ITSN1: variants seen among roughly 807,000 people sequenced by gnomAD.
The protein encoded by ITSN1 is intersectin-1.
ITSN1 carries 58 observed loss-of-function variants against 239.8 expected under a neutral mutation model. That is an observed-to-expected ratio of 0.24 (90% CI 0.20 to 0.30). The LOEUF (loss-of-function observed/expected upper bound fraction) is 0.30, where lower values mean the gene tolerates loss of function less well. ITSN1 is among the 10% of genes least tolerant of loss of function. The pLI is 1.00. For synonymous variants in ITSN1, 780 were observed against 770.8 expected, an observed-to-expected ratio of 1.01 and a Z score of -0.20; for missense variants, 1,558 against 2,103.3, an observed-to-expected ratio of 0.74 and a Z score of 5.07.
chr21:33,879,765 C>T (rs1191796060), intron 34 of ITSN1, among the ~76,000 whole-genome samples: 1 of 152,106 alleles, frequency 6.6e-6, no homozygotes, highest in African/African-American at 2.4e-5. Context: ...CTGCAACCTC[C>T]ACCTCATGGG....
Position 33,836,347 on chromosome 21 carries a change from G to A in ITSN1, c.3470-94G>A. On this transcript the variant is annotated intron_variant, in intron 28 of 39. Coordinates refer to ENST00000381318, the MANE Select transcript of ITSN1 (RefSeq NM_003024.3). ...ACTGTCACCCTCTTCTGAAAGGACA[G>A]AAATAGTAGCTGGGAATGTTGAATG... The A allele has an allele frequency of 3.3e-6, 3 of 904,800 alleles. No homozygotes were observed. The South Asian group carries it at 6.6e-5, about 20-fold the overall frequency. 56.0% of individuals were successfully genotyped at this position (904,800 alleles called of 1,614,324 possible). A position where few individuals can be genotyped will look rare whatever the true frequency, so the allele number is the denominator to read the frequency against.
intron 29 of ITSN1, among the ~76,000 whole-genome samples, chr21:33,847,324 T>C (rs897481441): frequency 6.6e-6 from 1 of 152,080 alleles, no homozygotes; most frequent in Non-Finnish European, 1.5e-5. Flanking sequence ...CCCCCACCAG[T>C]CCCCACCAGC....
chr21:33,666,419 A>C (rs1055030780), intron 1 of ITSN1, among the ~76,000 whole-genome samples: 1 of 152,248 alleles, frequency 6.6e-6, no homozygotes, highest in Non-Finnish European at 1.5e-5. Context: ...CTTTAAAATC[A>C]GTTCAACAGT....
intron 1 of ITSN1, among the ~76,000 whole-genome samples, chr21:33,715,725 A>C (rs369103783): frequency 1.3e-5 from 2 of 152,162 alleles, no homozygotes; most frequent in East Asian, 3.8e-4. Flanking sequence ...CCTTCCCTAA[A>C]GTCTGCAATA....
In ITSN1 at chr21:33,703,159, GAATA is replaced by G. The variant is rs979159032; in HGVS notation, c.-32-15637_-32-15634del. ...TATAAATTGTATATATATAAAGAAA[GAATA>G]TATATATAAAGAATATATATGCGTA... On this transcript the variant is annotated intron_variant, in intron 1 of 39. Coordinates refer to ENST00000381318, the MANE Select transcript of ITSN1 (RefSeq NM_003024.3). Among the ~76,000 whole-genome samples, 6 of 148,836 alleles carry G rather than the reference GAATA, an allele frequency of 4.0e-5. No individual in the cohort carries two copies. The Admixed American group carries it at 4.0e-4, about 10-fold the overall frequency.
chr21:33,675,703 T>G (rs1601576314), intron 1 of ITSN1, among the ~76,000 whole-genome samples: 1 of 152,254 alleles, frequency 6.6e-6, no homozygotes, highest in South Asian at 2.1e-4. Context: ...GTTTAATAAT[T>G]GCCAGCCTGA....
intron 1 of ITSN1, among the ~76,000 whole-genome samples, chr21:33,691,676 A>G (rs2091554467): frequency 6.6e-6 from 1 of 152,218 alleles, no homozygotes; most frequent in African/African-American, 2.4e-5. Flanking sequence ...TTTATTTCTT[A>G]TAGTTCTGGA....
chr21:33,882,560 G>A lies in ITSN1; in HGVS notation c.4554+105G>A. The A allele has an allele frequency of 1.1e-6, 1 of 895,524 alleles. No homozygotes were observed. Among genetic ancestry groups the A allele is most frequent in the South Asian group, 1.7e-5 (1 of 59,306 alleles). 55.5% of individuals were successfully genotyped at this position (895,524 alleles called of 1,614,324 possible). ...TTAGCAGGGTCAGGGGCTGTGGCAT[G>A]CAGGAGAAGGCCAGGAGTTGAAATG... is the stretch of plus-strand genomic sequence containing the variant. On this transcript the variant is annotated intron_variant, in intron 35 of 39. Coordinates refer to ENST00000381318, the MANE Select transcript of ITSN1 (RefSeq NM_003024.3). This position sits in a 1 kb window ranked among gnomAD's most constrained non-coding sequence, Gnocchi z 4.5.
chr21:33,752,619 C>T (rs2067632450), intron 7 of ITSN1, among the ~76,000 whole-genome samples: 1 of 152,138 alleles, frequency 6.6e-6, no homozygotes, highest in South Asian at 2.1e-4. Flanking sequence ...GGTGTGGTGG[C>T]TCACACCTGT....
At chr21:33,731,942 A>G (rs2066213459) in intron 4 of ITSN1, among the ~76,000 whole-genome samples, 1 of 152,180 alleles carries the variant, frequency 6.6e-6, no homozygotes, top group Non-Finnish European at 1.5e-5. Flanking sequence ...GGTATATAAC[A>G]TGGTTTTATA....
intron 22 of ITSN1, chr21:33,817,085 T>A (rs2073327903): frequency 9.8e-7 from 1 of 1,025,622 alleles, no homozygotes; most frequent in Non-Finnish European, 1.3e-6. Context: ...CTGAAGTAAC[T>A]CTCTCTAGGC....
chr21:33,795,338 A>G (rs1160899544), intron 17 of ITSN1, among the ~76,000 whole-genome samples: 8 of 152,170 alleles, frequency 5.3e-5, no homozygotes, highest in Non-Finnish European at 5.9e-5. Flanking sequence ...AGTCCCAGCT[A>G]CTTGGGAGGC....
chr21:33,817,524 C>T, intron 22 of ITSN1: 2 of 1,304,556 alleles, frequency 1.5e-6, no homozygotes, highest in South Asian at 2.5e-5. Flanking sequence ...TAGTATATTT[C>T]ATTCTGCCAG....
intron 1 of ITSN1, among the ~76,000 whole-genome samples, chr21:33,683,534 T>C (rs982542241): frequency 2.0e-5 from 3 of 152,130 alleles, no homozygotes; most frequent in Non-Finnish European, 4.4e-5. Flanking sequence ...GAGTCTTGAG[T>C]CATCTGGCTC....
intron 7 of ITSN1, among the ~76,000 whole-genome samples, chr21:33,753,517 CT>C (rs1386740493): frequency 2.0e-5 from 3 of 152,128 alleles, no homozygotes; most frequent in African/African-American, 7.2e-5. Context: ...AATCCCAGCA[CT>C]TTGGTAGGCC....
chr21:33,671,869 T>C (rs147264515), intron 1 of ITSN1, among the ~76,000 whole-genome samples: 1 of 152,340 alleles, frequency 6.6e-6, no homozygotes, highest in East Asian at 1.9e-4. Context: ...TAATATTTTG[T>C]TGTATATCCA....
In ITSN1 at chr21:33,774,716, G is replaced by A. The variant is rs772949409; in HGVS notation, c.1306-13G>A. On this transcript the variant is annotated splice_polypyrimidine_tract_variant and intron_variant, in intron 12 of 39. Transcript: ENST00000381318. ...ACTGAAAAATTAGTAATTTGTCTCT[G>A]TAAATGTCACAGGCTGCAAAACGGG... 1.6e-5 allele frequency: 26 copies of A among 1,608,950 alleles called. No individual in the cohort carries two copies. The Admixed American group carries it at 4.3e-4, about 27-fold the overall frequency.
chr21:33,665,057 GT>G (rs1459882871), intron 1 of ITSN1, among the ~76,000 whole-genome samples: 2 of 152,172 alleles, frequency 1.3e-5, no homozygotes, highest in South Asian at 4.1e-4. Flanking sequence ...GAGGTCAGGA[GT>G]TCGAGACCAG....
intron 14 of ITSN1, among the ~76,000 whole-genome samples, chr21:33,777,192 T>TA (rs2069707539): frequency 6.6e-6 from 1 of 152,238 alleles, no homozygotes; most frequent in Non-Finnish European, 1.5e-5. Flanking sequence ...TACATACTGA[T>TA]ACACAGTTGT....
Sources: allele counts gnomAD v4.1 joint callset (sites outside exome capture counted in the v4.1 genomes callset), GRCh38; gene constraint gnomAD v4.1.1; non-coding constraint Gnocchi (gnomAD v3.1); transcripts MANE v1.5; gene names NCBI Gene and HGNC (gene_info 2026-07-23, HGNC 2026-07-21).